The following RANBP9 variants were observed in gnomAD, a reference collection of about 807,000 sequenced individuals.
RANBP9 encodes the protein ran-binding protein 9.
RANBP9 carries 15 observed loss-of-function variants against 84.3 expected under a neutral mutation model. That is an observed-to-expected ratio of 0.18 (90% CI 0.12 to 0.27). The LOEUF (loss-of-function observed/expected upper bound fraction) is 0.27, where lower values mean the gene tolerates loss of function less well. Ranked by LOEUF, RANBP9 falls within the 10% of genes least tolerant of loss-of-function variation. The probability of loss-of-function intolerance (pLI) is 1.00; values close to 1 mark genes in which losing one functional copy is unlikely to be tolerated. For synonymous variants in RANBP9, 392 were observed against 349.6 expected, an observed-to-expected ratio of 1.12 and a Z score of -1.35; for missense variants, 809 against 912.8, an observed-to-expected ratio of 0.89 and a Z score of 1.46.
At chr6:13,698,352 T>A (rs1757892100) in intron 1 of RANBP9, among the ~76,000 whole-genome samples, 1 of 152,226 alleles carries the variant, frequency 6.6e-6, no homozygotes, top group African/African-American at 2.4e-5. Context: ...TACACTGAGC[T>A]AAGCAGCAGA....
At chr6:13,654,931 A>G (rs1022573305) in intron 4 of RANBP9, among the ~76,000 whole-genome samples, 3 of 152,220 alleles carry the variant, frequency 2.0e-5, no homozygotes, top group Admixed American at 1.3e-4. Context: ...CTGTGCACAT[A>G]CTATTGCAGT....
At chr6:13,700,109 T>C (rs1757929586) in intron 1 of RANBP9, among the ~76,000 whole-genome samples, 1 of 152,236 alleles carries the variant, frequency 6.6e-6, no homozygotes, top group Non-Finnish European at 1.5e-5. Context: ...AGAAAACATA[T>C]GTAATACTTC....
intron 2 of RANBP9, among the ~76,000 whole-genome samples, chr6:13,696,434 A>T (rs1229908569): frequency 6.6e-6 from 1 of 152,214 alleles, no homozygotes; most frequent in Non-Finnish European, 1.5e-5. Flanking sequence ...ATGAATCACC[A>T]ACTGACTATG....
At chr6:13,672,386 A>G (rs1765796215) in intron 2 of RANBP9, among the ~76,000 whole-genome samples, 1 of 152,180 alleles carries the variant, frequency 6.6e-6, no homozygotes, top group Non-Finnish European at 1.5e-5. Flanking sequence ...CCAATATAAC[A>G]GATTACAACT....
At chr6:13,663,286 G>GA (rs1239708097) in intron 2 of RANBP9, among the ~76,000 whole-genome samples, 9 of 150,896 alleles carry the variant, frequency 6.0e-5, no homozygotes, top group African/African-American at 1.9e-4. Context: ...GTGCTAAAAA[G>GA]AAAAAAAACC....
rs1215290139 is a variant in RANBP9 at position 13,697,881 on chromosome 6, A to C, written c.572-985T>G. On this transcript the variant is annotated intron_variant, in intron 1 of 13. Coordinates refer to ENST00000011619, the MANE Select transcript of RANBP9 (RefSeq NM_005493.3). ...TAGTTAAATATGCTCCACGCAATAC[A>C]AACTTCGCATTAATCTTTCAGTCAT... is the stretch of plus-strand genomic sequence containing the variant. 2.6e-5 allele frequency among the ~76,000 whole-genome samples: 4 copies of C among 152,354 alleles called. No homozygotes were observed. The East Asian group carries it at 7.7e-4, about 29-fold the overall frequency.
At position 13,711,434 on chromosome 6, in the gene RANBP9, C is replaced by T. The variant is rs1431261576; in HGVS notation, c.72G>A (p.Pro24=). ...QQQQQLSPPP[P]AALAPVSGVV... ...CTCCGGAGACTGGGGCCAAGGCCGC[C>T]GGCGGTGGCGGCGACAGCTGCTGCT... The change falls in exon 1 of 14, where the codon CCG becomes CCA. Residue 24 remains proline, a synonymous_variant. Transcript: ENST00000011619. 11 of 1,197,678 alleles carry T rather than the reference C, an allele frequency of 9.2e-6. No individual in the cohort carries two copies. The South Asian group carries it at 3.7e-4, about 40-fold the overall frequency. The allele number at this position is 1,197,678 out of a possible 1,614,324, so 74.2% of individuals were successfully genotyped here. A position where few individuals can be genotyped will look rare whatever the true frequency, so the allele number is the denominator to read the frequency against.
chr6:13,638,034 T>A, intron 9 of RANBP9, 79 bp from the exon 10 acceptor site: 1 of 1,339,600 alleles, frequency 7.5e-7, no homozygotes, highest in South Asian at 1.5e-5. Flanking sequence ...TCCATGTTGA[T>A]TTTGTACTAA....
intron 11 of RANBP9, among the ~76,000 whole-genome samples, chr6:13,633,927 AATTT>A (rs1383192167): frequency 9.1e-6 from 1 of 109,818 alleles, no homozygotes; most frequent in Non-Finnish European, 1.8e-5. Flanking sequence ...GGAGCCACAT[AATTT>A]TTTTGTTGGT....
At chr6:13,665,173 T>C (rs918607368) in intron 2 of RANBP9, among the ~76,000 whole-genome samples, 5 of 152,106 alleles carry the variant, frequency 3.3e-5, no homozygotes, top group Admixed American at 6.5e-5. Context: ...TAAGAAAACA[T>C]GTAAAACTAT....
chr6:13,638,247 G>A (rs1213859643), intron 9 of RANBP9, among the ~76,000 whole-genome samples: 1 of 152,032 alleles, frequency 6.6e-6, no homozygotes, highest in Non-Finnish European at 1.5e-5. Context: ...TGAATACACT[G>A]AGGCTCAGAA....
At chr6:13,633,947 G>T (rs549593373) in intron 11 of RANBP9, among the ~76,000 whole-genome samples, 39 of 3,604 alleles carry the variant, frequency 0.011, no homozygotes, top group African/African-American at 0.016. Context: ...TTGGTGGTGG[G>T]GTTTTTTTTT....
At chr6:13,641,121 C>T (rs537999945) in intron 8 of RANBP9, 78 bp downstream of exon 8, 18 of 952,490 alleles carry the variant, frequency 1.9e-5, no homozygotes, top group East Asian at 6.4e-5. Flanking sequence ...TACAAAAGCA[C>T]GAAAATGTCT....
intron 2 of RANBP9, among the ~76,000 whole-genome samples, chr6:13,688,171 A>C (rs1320852139): frequency 2.6e-5 from 4 of 152,242 alleles, no homozygotes; most frequent in Admixed American, 6.5e-5. Flanking sequence ...GAGTCTGTCA[A>C]AAAATACAAA....
At chr6:13,644,483 GAATA>G (rs1765135421) in intron 6 of RANBP9, 58 bp downstream of exon 6, 1 of 1,514,036 alleles carries the variant, frequency 6.6e-7, no homozygotes, top group Admixed American at 1.9e-5. Flanking sequence ...GATACCAACA[GAATA>G]AATGTCTTAT....
At chr6:13,688,906 A>G (rs749467121) in intron 2 of RANBP9, among the ~76,000 whole-genome samples, 38 of 146,236 alleles carry the variant, frequency 2.6e-4, no homozygotes, top group Non-Finnish European at 4.2e-4. Flanking sequence ...TAATCCCAAC[A>G]CTTAGGGAGG....
At chr6:13,706,485 G>A (rs1288765963) in intron 1 of RANBP9, among the ~76,000 whole-genome samples, 1 of 149,706 alleles carries the variant, frequency 6.7e-6, no homozygotes, top group Non-Finnish European at 1.5e-5. Context: ...ACGAGGTCAA[G>A]AGATCGAGAC....
chr6:13,687,808 T>A (rs1190989305), intron 2 of RANBP9, among the ~76,000 whole-genome samples: 3 of 152,212 alleles, frequency 2.0e-5, no homozygotes, highest in Admixed American at 2.0e-4. Context: ...TACCCTCAGA[T>A]AACCCACCTA....
intron 2 of RANBP9, among the ~76,000 whole-genome samples, chr6:13,681,547 A>C (rs1766038351): frequency 6.6e-6 from 1 of 152,130 alleles, no homozygotes; most frequent in Admixed American, 6.5e-5. Flanking sequence ...ATTAGTATAA[A>C]TGTACCTCTC....
Sources: gnomAD v4.1 joint callset for allele counts (sites outside exome capture counted in the v4.1 genomes callset) on GRCh38, gnomAD v4.1.1 for gene constraint, MANE v1.5 for transcripts, NCBI Gene and HGNC (gene_info 2026-07-23, HGNC 2026-07-21) for gene names.